The following TTC27 variants were observed in gnomAD, a reference collection of about 807,000 sequenced individuals.
The protein encoded by TTC27 is tetratricopeptide repeat domain 27.
TTC27 carries 79 observed loss-of-function variants against 115.9 expected under a neutral mutation model. The ratio of observed to expected loss-of-function variants is 0.68; its 90% CI spans 0.57 to 0.82. The LOEUF is 0.82. Ranked by LOEUF, TTC27 falls within the 40% of genes least tolerant of loss-of-function variation. The pLI is 0.00. For missense variants in TTC27, 1,054 were observed against 993.1 expected (o/e 1.06, Z -0.82); for synonymous variants, 401 against 356.0 (o/e 1.13, Z -1.42).
At chr2:32,714,644 T>C (rs1483403823) in intron 10 of TTC27, among the ~76,000 whole-genome samples, 1 of 152,198 alleles carries the variant, frequency 6.6e-6, no homozygotes. Context: ...AGTTCTGTTT[T>C]AAGTTCTTTG....
At chr2:32,758,723 A>G (rs897400987) in intron 13 of TTC27, among the ~76,000 whole-genome samples, 1 of 151,850 alleles carries the variant, frequency 6.6e-6, no homozygotes, top group Non-Finnish European at 1.5e-5. Context: ...TTCACTTTCT[A>G]TTACTTTAAC....
intron 7 of TTC27, among the ~76,000 whole-genome samples, chr2:32,668,500 CTTTCT>C (rs971738694): frequency 3.4e-5 from 5 of 145,846 alleles, no homozygotes; most frequent in East Asian, 2.0e-4. Context: ...TTTGCTTGTT[CTTTCT>C]TTTCTTTTCT....
At chr2:32,765,800 T>C (rs1309995553) in intron 13 of TTC27, among the ~76,000 whole-genome samples, 1 of 152,220 alleles carries the variant, frequency 6.6e-6, no homozygotes, top group African/African-American at 2.4e-5. Flanking sequence ...GGGGATGGCT[T>C]CTTTCCTTAA....
chr2:32,745,291 A>G (rs1015695593), intron 12 of TTC27, among the ~76,000 whole-genome samples: 2 of 152,178 alleles, frequency 1.3e-5, no homozygotes, highest in Non-Finnish European at 2.9e-5. Context: ...AGATGATATC[A>G]TCAGGACTTT....
intron 13 of TTC27, among the ~76,000 whole-genome samples, chr2:32,766,033 C>T (rs1307985085): frequency 6.6e-6 from 1 of 152,182 alleles, no homozygotes; most frequent in Non-Finnish European, 1.5e-5. Context: ...TGGAGGAGCA[C>T]TTTTAATTTC....
chr2:32,705,161 A>C (rs1027969842), intron 10 of TTC27, among the ~76,000 whole-genome samples: 3 of 151,978 alleles, frequency 2.0e-5, no homozygotes, highest in African/African-American at 7.3e-5. Flanking sequence ...TCCCTCTGTT[A>C]GTTCATGTGA....
rs532327028 is a variant in TTC27, at chr2:32,819,546, A to T, written c.2410-1270A>T. Among the ~76,000 whole-genome samples the T allele has an allele frequency of 1.1e-4, 17 of 152,320 alleles. No individual in the cohort carries two copies. In the East Asian group the frequency reaches 2.9e-3, roughly 26 times the overall value. On this transcript the variant is annotated intron_variant, in intron 19 of 19. Transcript: ENST00000317907. ...AAAATGAATGAGGATAACTATGTTA[A>T]ATTGCTTGCAGCCTATGTTAAATAG...
Position 32,662,638 on chromosome 2 carries a change from A to G in TTC27, c.641-1665A>G, listed in dbSNP as rs566571170. On this transcript the variant is annotated intron_variant, in intron 5 of 19. Transcript: ENST00000317907. ...TATCCCCTTTATCATTTTTTAGTGCACCTATTTGATTCTTCTCTCTTTTCT... is the reference window on the plus strand; with the variant it reads ...TATCCCCTTTATCATTTTTTAGTGCGCCTATTTGATTCTTCTCTCTTTTCT... Among the ~76,000 whole-genome samples the G allele has an allele frequency of 2.6e-5, 4 of 151,688 alleles. No homozygotes were observed. In the East Asian group the frequency reaches 7.8e-4, roughly 29 times the overall value.
intron 16 of TTC27, among the ~76,000 whole-genome samples, chr2:32,795,725 GTATTATTAT>G (rs3081615): frequency 0.024 from 3,386 of 138,692 alleles, 123 homozygotes; most frequent in African/African-American, 0.083. Context: ...GCTAATTTTT[GTATTATTAT>G]TATTATTATT....
chr2:32,814,218 C>G (rs528449585), intron 18 of TTC27, among the ~76,000 whole-genome samples: 1 of 152,248 alleles, frequency 6.6e-6, no homozygotes, highest in East Asian at 1.9e-4. Flanking sequence ...GAGAGATATG[C>G]AGGTTAAAGA....
chr2:32,706,077 CTTTTTTTTTTTTTT>C (rs148953090), intron 10 of TTC27, among the ~76,000 whole-genome samples: 1 of 53,220 alleles, frequency 1.9e-5, no homozygotes, highest in Non-Finnish European at 3.2e-5. Context: ...TTACCTTACT[CTTTTTTTTTTTTTT>C]TTTTTTTTTT....
At chr2:32,766,932 T>C (rs544158296) in intron 13 of TTC27, among the ~76,000 whole-genome samples, 22 of 152,062 alleles carry the variant, frequency 1.4e-4, no homozygotes, top group Non-Finnish European at 1.9e-4. Context: ...ACTATAGGCA[T>C]GCACCACCAC....
At chr2:32,641,650 G>A (rs975599198) in intron 4 of TTC27, among the ~76,000 whole-genome samples, 3 of 151,966 alleles carry the variant, frequency 2.0e-5, no homozygotes, top group African/African-American at 7.3e-5. Context: ...TCCCAGTTTT[G>A]GCTGAAAATT....
At chr2:32,682,146 A>G (rs1373276879) in intron 9 of TTC27, among the ~76,000 whole-genome samples, 2 of 151,972 alleles carry the variant, frequency 1.3e-5, no homozygotes, top group Admixed American at 6.6e-5. Flanking sequence ...GTTGTGAATA[A>G]ATGCATGCAG....
chr2:32,787,171 AT>A, intron 16 of TTC27, 22 bp downstream of exon 16: 1 of 1,595,878 alleles, frequency 6.3e-7, no homozygotes, highest in Non-Finnish European at 8.5e-7. Context: ...CTATTCCGTT[AT>A]TTCAGTTTGT....
At chr2:32,667,634 T>C (rs1346836032) in intron 7 of TTC27, among the ~76,000 whole-genome samples, 2 of 151,260 alleles carry the variant, frequency 1.3e-5, no homozygotes, top group African/African-American at 4.8e-5. Context: ...CAGGCTGGTC[T>C]CGAACTCGCA....
intron 5 of TTC27, among the ~76,000 whole-genome samples, chr2:32,663,935 G>A (rs868131285): frequency 6.6e-6 from 1 of 151,780 alleles, no homozygotes; most frequent in Non-Finnish European, 1.5e-5. Context: ...CGCCCACCTC[G>A]GCCTCGCAAG....
intron 16 of TTC27, among the ~76,000 whole-genome samples, chr2:32,803,380 CT>C (rs1671023988): frequency 6.6e-6 from 1 of 152,186 alleles, no homozygotes; most frequent in Non-Finnish European, 1.5e-5. Context: ...CTGTTTCAGT[CT>C]CTCCATGCTG....
At chr2:32,749,286 A>G (rs1410402086) in intron 12 of TTC27, among the ~76,000 whole-genome samples, 1 of 152,178 alleles carries the variant, frequency 6.6e-6, no homozygotes, top group Non-Finnish European at 1.5e-5. Flanking sequence ...CCAGGGAATC[A>G]CTAGACTGGG....
Sources: gnomAD v4.1 joint callset for allele counts (sites outside exome capture counted in the v4.1 genomes callset) on GRCh38, gnomAD v4.1.1 for gene constraint, MANE v1.5 for transcripts, NCBI Gene and HGNC (gene_info 2026-07-23, HGNC 2026-07-21) for gene names.